Variants in AGPAT4 observed in about 807,000 individuals in gnomAD.
AGPAT4 encodes 1-acyl-sn-glycerol-3-phosphate acyltransferase delta.
In AGPAT4, 15 loss-of-function variants were observed where a neutral mutation model predicts 48.0. The ratio of observed to expected loss-of-function variants is 0.31; its 90% CI spans 0.21 to 0.48. The LOEUF is 0.48. AGPAT4 is among the 20% of genes least tolerant of loss of function. AGPAT4 has a pLI of 0.99. For missense variants in AGPAT4, 314 were observed against 482.5 expected, an observed-to-expected ratio of 0.65 and a Z score of 3.27; for synonymous variants, 178 against 198.7, an observed-to-expected ratio of 0.90 and a Z score of 0.88.
chr6:161,174,655 T>C (rs892892558), intron 2 of AGPAT4, among the ~76,000 whole-genome samples: 3 of 152,212 alleles, frequency 2.0e-5, no homozygotes, highest in African/African-American at 7.2e-5. Context: ...TCCTGCCTGA[T>C]TGCCCTGGCC....
intron 2 of AGPAT4, among the ~76,000 whole-genome samples, chr6:161,188,014 C>G (rs1176282271): frequency 6.6e-6 from 1 of 152,074 alleles, no homozygotes; most frequent in Non-Finnish European, 1.5e-5. Flanking sequence ...TTTTCATTAT[C>G]CAAATTCATT....
At position 161,139,522 on chromosome 6, in the gene AGPAT4, C is replaced by A; in HGVS notation, c.942G>T (p.Trp314Cys). The part of the protein sequence containing the change: ...RPWTLVNWLF[W>C]ASLVLYPFFQ... The stretch of plus-strand genomic sequence containing the variant: ...AGAAAGGGTAGAGCACCAGCGAGGC[C>A]CAAAACAGCCAGTTCACGAGGGTCC... The change falls in exon 8 of 9, where the codon TGG becomes TGT. Residue 314 changes from tryptophan to cysteine, a missense_variant. Trp to Cys is a radical substitution (Grantham distance 215). Coordinates refer to ENST00000320285, the MANE Select transcript of AGPAT4 (RefSeq NM_020133.3). This position sits in a 1 kb window ranked among gnomAD's most constrained non-coding sequence, Gnocchi z 9.1. The A allele has an allele frequency of 6.2e-7, 1 of 1,614,036 alleles. No individual in the cohort carries two copies. The highest frequency in any genetic ancestry group is 8.5e-7 in the Non-Finnish European group (1 of 1,180,016).
At chr6:161,153,217 A>C in intron 5 of AGPAT4, 129 bp downstream of exon 5, 1 of 1,277,826 alleles carries the variant, frequency 7.8e-7, no homozygotes, top group Middle Eastern at 2.2e-4. Context: ...GGACTTGAGC[A>C]GCCACTCTGA....
intron 2 of AGPAT4, among the ~76,000 whole-genome samples, chr6:161,209,657 A>C (rs566984748): frequency 1.5e-4 from 23 of 152,324 alleles, no homozygotes; most frequent in African/African-American, 5.5e-4. Context: ...TCAGACAGGC[A>C]AAGCCTTCGA....
chr6:161,237,502 G>A lies in AGPAT4; in HGVS notation c.-89-5200C>T, dbSNP rs562574489. Among the ~76,000 whole-genome samples, 38 of 152,316 alleles carry A rather than the reference G, an allele frequency of 2.5e-4. 1 individual carries two copies. The South Asian group carries it at 7.5e-3, about 30-fold the overall frequency. On this transcript the variant is annotated intron_variant, in intron 1 of 8. Transcript: ENST00000320285. ...GACAAAGGGGGTTAAATACATAGGG[G>A]ATGTTGACTATAAGCCAACAGTGTA...
At position 161,141,057 on chromosome 6, in the gene AGPAT4, C is replaced by T. The variant is rs1251475025; in HGVS notation, c.844-1437G>A. Among the ~76,000 whole-genome samples, 3 of 152,084 alleles carry T rather than the reference C, an allele frequency of 2.0e-5. No individual in the cohort carries two copies. The highest frequency in any genetic ancestry group is 7.2e-5 in the African/African-American group (3 of 41,410). On this transcript the variant is annotated intron_variant, in intron 7 of 8. Transcript: ENST00000320285. The surrounding 1 kb of genome is among the most constrained non-coding windows in gnomAD (Gnocchi z 6.7). The stretch of plus-strand genomic sequence containing the variant: ...ATAGAAAAGTCTAAAGTATCTCATA[C>T]TTTTCTTCTTTTTCATTCAGGGTGT...
At chr6:161,181,491 C>T (rs71565795) in intron 2 of AGPAT4, among the ~76,000 whole-genome samples, 21,397 of 141,622 alleles carry the variant, frequency 0.15, 1,847 homozygotes, top group Non-Finnish European at 0.19. Flanking sequence ...CATGCAGACA[C>T]GGTGGGGGTA....
Position 161,232,447 on chromosome 6 carries a change from G to A in AGPAT4, c.-89-145C>T, listed in dbSNP as rs572364832. 2 of 502,870 alleles carry A rather than the reference G, an allele frequency of 4.0e-6. No individual in the cohort carries two copies. The highest frequency in any genetic ancestry group is 1.9e-5 in the African/African-American group (1 of 52,102). 31.2% of individuals were successfully genotyped at this position (502,870 alleles called of 1,614,324 possible). ...TTATCTTTATTTTGCAAACATTGAT[G>A]TAGTGCTTACTTCCTGTCGAGCATA... On this transcript the variant is annotated intron_variant, in intron 1 of 8. Coordinates refer to ENST00000320285, the MANE Select transcript of AGPAT4 (RefSeq NM_020133.3). This position sits in a 1 kb window ranked among gnomAD's most constrained non-coding sequence, Gnocchi z 6.8.
rs537083470 is a variant in AGPAT4, at chr6:161,267,564, G to T, written c.-90+6374C>A. ...CCCTGTCTCTACTAAAAATACACAC[G>T]CAAAAAAATTAGCCAGGTGTGGTGG... On this transcript the variant is annotated intron_variant, in intron 1 of 8. Transcript: ENST00000320285. The surrounding 1 kb of genome is among the most constrained non-coding windows in gnomAD (Gnocchi z 5.2). Among the ~76,000 whole-genome samples, 98 of 151,774 alleles carry T rather than the reference G, an allele frequency of 6.5e-4. No individual in the cohort carries two copies. The highest frequency in any genetic ancestry group is 2.2e-3 in the African/African-American group (93 of 41,384).
Position 161,202,032 on chromosome 6 carries a change from C to G in AGPAT4, c.178+30004G>C, listed in dbSNP as rs536712541. Reference sequence around the variant, plus strand: ...CCTCCTCCAGGAAGTCTACCTGACCCGGGAACCTGGACAAGGTGGCTCTCA... The same window carrying G: ...CCTCCTCCAGGAAGTCTACCTGACCGGGGAACCTGGACAAGGTGGCTCTCA... On this transcript the variant is annotated intron_variant, in intron 2 of 8. Coordinates refer to ENST00000320285, the MANE Select transcript of AGPAT4 (RefSeq NM_020133.3). This position sits in a 1 kb window ranked among gnomAD's most constrained non-coding sequence, Gnocchi z 5.4. 1.3e-5 allele frequency among the ~76,000 whole-genome samples: 2 copies of G among 152,178 alleles called. No individual in the cohort carries two copies. The highest frequency in any genetic ancestry group is 4.8e-5 in the African/African-American group (2 of 41,436).
In AGPAT4 at chr6:161,225,479, C is replaced by T. The variant is rs529906225; in HGVS notation, c.178+6557G>A. Among the ~76,000 whole-genome samples, 1 of 152,332 alleles carries T rather than the reference C, an allele frequency of 6.6e-6. No individual in the cohort carries two copies. Among genetic ancestry groups the T allele is most frequent in the South Asian group, 2.1e-4 (1 of 4,830 alleles). The stretch of plus-strand genomic sequence containing the variant: ...AAAAAGAAAATTTTATATTCGAGTG[C>T]TATTTCTTTTGCAGCACCGAAACTT... On this transcript the variant is annotated intron_variant, in intron 2 of 8. Coordinates refer to ENST00000320285, the MANE Select transcript of AGPAT4 (RefSeq NM_020133.3). The surrounding 1 kb of genome is among the most constrained non-coding windows in gnomAD (Gnocchi z 5.0).
Position 161,255,240 on chromosome 6 carries a change from C to T in AGPAT4, c.-90+18698G>A, listed in dbSNP as rs904080734. Among the ~76,000 whole-genome samples, 5 of 152,120 alleles carry T rather than the reference C, an allele frequency of 3.3e-5. No individual in the cohort carries two copies. Among genetic ancestry groups the T allele is most frequent in the African/African-American group, 1.2e-4 (5 of 41,426 alleles). ...GCAAAGGAACTTGGATTTGAAAGTC[C>T]GAGACCCCTCTGCAAAATACCATTG... On this transcript the variant is annotated intron_variant, in intron 1 of 8. Coordinates refer to ENST00000320285, the MANE Select transcript of AGPAT4 (RefSeq NM_020133.3). The surrounding 1 kb of genome is among the most constrained non-coding windows in gnomAD (Gnocchi z 4.7).
rs55973440 is a variant in AGPAT4, at chr6:161,219,824, G to GAGATAGATAGAT, written c.178+12200_178+12211dup. Among the ~76,000 whole-genome samples, 1,636 of 89,226 alleles carry GAGATAGATAGAT rather than the reference G, an allele frequency of 0.018. 45 individuals are homozygous for GAGATAGATAGAT. The highest frequency in any genetic ancestry group is 0.038 in the South Asian group (83 of 2,202). The allele number at this position is 89,226 out of a possible 152,430, so 58.5% of individuals were successfully genotyped here. On this transcript the variant is annotated intron_variant, in intron 2 of 8. Coordinates refer to ENST00000320285, the MANE Select transcript of AGPAT4 (RefSeq NM_020133.3). This position sits in a 1 kb window ranked among gnomAD's most constrained non-coding sequence, Gnocchi z 4.9. ...AGATTCACAGTAAAAAAGATAGACA[G>GAGATAGATAGAT]AGATAGATAGATAGATAGATAGATA...
In AGPAT4 at chr6:161,165,925, G is replaced by A. The variant is rs1031112613; in HGVS notation, c.348+323C>T. The A allele has an allele frequency of 1.5e-5, 9 of 602,182 alleles. No homozygotes were observed. Among genetic ancestry groups the A allele is most frequent in the Non-Finnish European group, 2.6e-5 (9 of 339,778 alleles). 37.3% of individuals were successfully genotyped at this position (602,182 alleles called of 1,614,324 possible). The stretch of plus-strand genomic sequence containing the variant: ...AATTACAGCTGTGTGACTCTGAGCC[G>A]AATATTAAGCTCTATATAACTTAGT... On this transcript the variant is annotated intron_variant, in intron 3 of 8. Transcript: ENST00000320285. The surrounding 1 kb of genome is among the most constrained non-coding windows in gnomAD (Gnocchi z 5.5).
At chr6:161,252,633 G>A (rs1782834067) in intron 1 of AGPAT4, among the ~76,000 whole-genome samples, 1 of 40,528 alleles carries the variant, frequency 2.5e-5, no homozygotes, top group African/African-American at 1.1e-4. Flanking sequence ...GATTGGTCTC[G>A]GCAACATGGT....
rs558490328 is a variant in AGPAT4 at position 161,179,603 on chromosome 6, T to C, written c.179-13186A>G. Among the ~76,000 whole-genome samples the C allele has an allele frequency of 2.5e-3, 381 of 152,316 alleles. 3 individuals carry two copies. The highest frequency in any genetic ancestry group is 4.3e-3 in the Non-Finnish European group (294 of 68,036). On this transcript the variant is annotated intron_variant, in intron 2 of 8. Transcript: ENST00000320285. ...TTGAACAACATGGGCTCAGACTTCA[T>C]TGGTCCACTTATATACAGATTTTCT...
At position 161,196,003 on chromosome 6, in the gene AGPAT4, C is replaced by T. The variant is rs1179622664; in HGVS notation, c.179-29586G>A. 6.6e-6 allele frequency among the ~76,000 whole-genome samples: 1 copy of T among 152,216 alleles called. No individual in the cohort carries two copies. The highest frequency in any genetic ancestry group is 2.4e-5 in the African/African-American group (1 of 41,460). On this transcript the variant is annotated intron_variant, in intron 2 of 8. Coordinates refer to ENST00000320285, the MANE Select transcript of AGPAT4 (RefSeq NM_020133.3). The surrounding 1 kb of genome is among the most constrained non-coding windows in gnomAD (Gnocchi z 4.3). ...CACACCCACAAGGCTCTGTGATTCA[C>T]GTGCTGGATATTCTAGAGCCCCTGA...
rs1780106317 is a variant in AGPAT4, at chr6:161,166,590, A to G, written c.179-173T>C. Among the ~76,000 whole-genome samples the G allele has an allele frequency of 6.6e-6, 1 of 152,238 alleles. No homozygotes were observed. On this transcript the variant is annotated intron_variant, in intron 2 of 8. Coordinates refer to ENST00000320285, the MANE Select transcript of AGPAT4 (RefSeq NM_020133.3). This position sits in a 1 kb window ranked among gnomAD's most constrained non-coding sequence, Gnocchi z 6.7. ...TTGAAAGGGTTCAGAAGCGGAAGGAAACACGAGAAAGACTTCACAACATTC... is the reference window on the plus strand; with the variant it reads ...TTGAAAGGGTTCAGAAGCGGAAGGAGACACGAGAAAGACTTCACAACATTC...
intron 2 of AGPAT4, among the ~76,000 whole-genome samples, chr6:161,170,395 T>G (rs1780229682): frequency 6.6e-6 from 1 of 151,980 alleles, no homozygotes; most frequent in South Asian, 2.1e-4. Context: ...GGTTAACCAT[T>G]ATGAACAGTT....
Sources: allele counts gnomAD v4.1 joint callset (sites outside exome capture counted in the v4.1 genomes callset), GRCh38; gene constraint gnomAD v4.1.1; non-coding constraint Gnocchi (gnomAD v3.1); transcripts MANE v1.5; gene names NCBI Gene and HGNC (gene_info 2026-07-23, HGNC 2026-07-21).